DCBLD1: variants seen among roughly 807,000 people sequenced by gnomAD.
DCBLD1 encodes discoidin, CUB and LCCL domain-containing protein 1.
In DCBLD1, 57 loss-of-function variants were observed where a neutral mutation model predicts 71.5. That is an observed-to-expected ratio of 0.80 (90% CI 0.64 to 0.99). The LOEUF (loss-of-function observed/expected upper bound fraction) is 0.99. DCBLD1 is among the 50% of genes least tolerant of loss of function. The pLI is 0.00. For missense variants in DCBLD1, 891 were observed against 923.5 expected (o/e 0.96, Z 0.46); for synonymous variants, 380 against 363.8 (o/e 1.04, Z -0.51).
chr6:117,540,925 T>C lies in DCBLD1; in HGVS notation c.1257T>C (p.Asp419=). The C allele has an allele frequency of 3.7e-6, 6 of 1,614,160 alleles. No individual in the cohort carries two copies. Among genetic ancestry groups the C allele is most frequent in the Non-Finnish European group, 5.1e-6 (6 of 1,180,026 alleles). ...ACATCCCTCCTCTCTCAGGTAATGA[T>C]TCATTGGTGTGGCGCAAGACAAGTC... ...LIGCQITQGN[D]SLVWRKTSQS... The change falls in exon 11 of 15, where the codon GAT becomes GAC. Residue 419 remains aspartate, a synonymous_variant. Transcript: ENST00000338728.
At chr6:117,503,501 A>G (rs1562435768) in intron 1 of DCBLD1, 1 of 434,944 alleles carries the variant, frequency 2.3e-6, no homozygotes, top group East Asian at 4.2e-5. Context: ...AAAAATAATG[A>G]TTAAATGATT....
At chr6:117,547,050 C>CT (rs1305687629) in intron 14 of DCBLD1, among the ~76,000 whole-genome samples, 1 of 152,208 alleles carries the variant, frequency 6.6e-6, no homozygotes, top group Admixed American at 6.5e-5. Flanking sequence ...CACTTTTCCT[C>CT]TTTCCTAGTT....
chr6:117,544,453 T>A (rs1779198806), intron 12 of DCBLD1, 75 bp from the exon 13 acceptor site: 2 of 1,486,530 alleles, frequency 1.3e-6, no homozygotes, highest in African/African-American at 2.8e-5. Flanking sequence ...ACTATTATGA[T>A]CCTTATGTTA....
At chr6:117,524,307 C>T (rs534264663) in intron 4 of DCBLD1, among the ~76,000 whole-genome samples, 116 of 151,178 alleles carry the variant, frequency 7.7e-4, no homozygotes, top group African/African-American at 2.7e-3. Context: ...TCAAGTGATT[C>T]CCTCCTGCCT....
chr6:117,551,448 C>T (rs1779426495), downstream of DCBLD1, among the ~76,000 whole-genome samples: 1 of 152,060 alleles, frequency 6.6e-6, no homozygotes, highest in African/African-American at 2.4e-5. Context: ...GGCACTGTCT[C>T]AGCTCACTGC....
At chr6:117,552,463 C>T (rs908793610), downstream of DCBLD1, among the ~76,000 whole-genome samples, 1 of 152,174 alleles carries the variant, frequency 6.6e-6, no homozygotes, top group East Asian at 1.9e-4. Context: ...GTGGCACACA[C>T]CCTCCTCCCA....
intron 2 of DCBLD1, among the ~76,000 whole-genome samples, chr6:117,504,605 C>T (rs1777777658): frequency 6.6e-6 from 1 of 152,188 alleles, no homozygotes; most frequent in African/African-American, 2.4e-5. Context: ...TGTTCCGTTA[C>T]GACTGAGGTC....
chr6:117,559,901 C>T (rs73516427), intron 14 of DCBLD1, among the ~76,000 whole-genome samples: 305 of 152,168 alleles, frequency 2.0e-3, no homozygotes, highest in African/African-American at 6.9e-3. Flanking sequence ...AATCAACACA[C>T]GGAAAGCATA....
chr6:117,535,491 A>G (rs1477630057), intron 6 of DCBLD1, among the ~76,000 whole-genome samples: 2 of 152,172 alleles, frequency 1.3e-5, no homozygotes, highest in East Asian at 1.9e-4. Context: ...TTATTAACCT[A>G]TAGAATTCTT....
At chr6:117,541,397 T>G (rs1779092151) in intron 11 of DCBLD1, among the ~76,000 whole-genome samples, 1 of 151,926 alleles carries the variant, frequency 6.6e-6, no homozygotes, top group Admixed American at 6.6e-5. Context: ...AAGCAAAATA[T>G]AGAACTATCT....
rs985625305 is a variant in DCBLD1, at chr6:117,545,517, A to G, written c.1535A>G (p.Gln512Arg). 2 of 1,614,192 alleles carry G rather than the reference A, an allele frequency of 1.2e-6. No individual in the cohort carries two copies. Among genetic ancestry groups the G allele is most frequent in the African/African-American group, 1.3e-5 (1 of 75,056 alleles). ...ATTAAATATCCCTTTGCCAGACATCAGTCAGCTGAGTTTACCATCAGCTAT... is the reference window on the plus strand; with the variant it reads ...ATTAAATATCCCTTTGCCAGACATCGGTCAGCTGAGTTTACCATCAGCTAT... ...KQIKYPFARH[Q>R]SAEFTISYDN... Residue 512 changes from glutamine to arginine, a missense_variant, in exon 14 of 15, where the codon CAG (glutamine) becomes CGG (arginine). Transcript: ENST00000338728.
intron 9 of DCBLD1, chr6:117,539,701 T>C (rs1222631078): frequency 2.6e-5 from 5 of 189,072 alleles, no homozygotes; most frequent in Non-Finnish European, 4.3e-5. Flanking sequence ...TTACAGTGAA[T>C]TATGGTTGTG....
chr6:117,504,914 T>C (rs1396577294), intron 2 of DCBLD1, among the ~76,000 whole-genome samples: 1 of 152,222 alleles, frequency 6.6e-6, no homozygotes, highest in African/African-American at 2.4e-5. Context: ...GCTCTACTGA[T>C]AATTTCTCAA....
intron 3 of DCBLD1, 37 bp downstream of exon 3, chr6:117,519,987 ATCTG>A (rs762298206): frequency 2.5e-6 from 4 of 1,607,244 alleles, no homozygotes; most frequent in Admixed American, 1.7e-5. Context: ...TCTAAATGTT[ATCTG>A]TCTAAGAATT....
chr6:117,532,874 C>T (rs960518011), intron 6 of DCBLD1, among the ~76,000 whole-genome samples: 7 of 152,216 alleles, frequency 4.6e-5, no homozygotes, highest in South Asian at 2.1e-4. Context: ...CCTTTGTTAA[C>T]GTTATATTCT....
intron 1 of DCBLD1, among the ~76,000 whole-genome samples, chr6:117,488,591 G>A (rs1777171046): frequency 6.6e-6 from 1 of 152,182 alleles, no homozygotes. Context: ...GTTGCAGTGA[G>A]CTGTGATGCT....
At chr6:117,560,725 T>G (rs1338566228) in intron 14 of DCBLD1, 1 of 202,414 alleles carries the variant, frequency 4.9e-6, no homozygotes, top group Non-Finnish European at 1.0e-5. Context: ...AGAAGAGAAT[T>G]TTAGAGGTTA....
intron 14 of DCBLD1, among the ~76,000 whole-genome samples, chr6:117,563,881 T>C (rs1289367321): frequency 2.0e-5 from 3 of 152,106 alleles, no homozygotes; most frequent in African/African-American, 7.2e-5. Context: ...TTCCCTCTTA[T>C]GGCAGGTATC....
Position 117,548,922 on chromosome 6 carries a change from T to G in DCBLD1, c.*483T>G. 1 of 992,410 alleles carries G rather than the reference T, an allele frequency of 1.0e-6. No individual in the cohort carries two copies. The highest frequency in any genetic ancestry group is 4.5e-5 in the South Asian group (1 of 22,028). The allele number at this position is 992,410 out of a possible 1,614,324, so 61.5% of individuals were successfully genotyped here. ...TGTTAGCAGCAGGTCTGCTTAAACC[T>G]AGTCTTGTTGTTATTGAGTCATTTC... On this transcript the variant is annotated 3_prime_UTR_variant, in exon 15 of 15. Transcript: ENST00000338728.
Sources: gnomAD v4.1 joint callset for allele counts (sites outside exome capture counted in the v4.1 genomes callset) on GRCh38, gnomAD v4.1.1 for gene constraint, MANE v1.5 for transcripts, NCBI Gene and HGNC (gene_info 2026-07-23, HGNC 2026-07-21) for gene names.